Variants in FAM53A observed in about 807,000 individuals in gnomAD.
FAM53A encodes the protein protein FAM53A.
FAM53A carries 28 observed loss-of-function variants against 26.6 expected under a neutral mutation model. The observed-to-expected ratio is 1.05, with a 90% confidence interval of 0.78 to 1.45. FAM53A has a LOEUF of 1.45. Ranked by LOEUF, FAM53A falls within the 40% of genes most tolerant of loss-of-function variation. The pLI is 0.00. For synonymous variants in FAM53A, 290 were observed against 253.1 expected, an observed-to-expected ratio of 1.15 and a Z score of -1.38; for missense variants, 650 against 575.8, an observed-to-expected ratio of 1.13 and a Z score of -1.32.
downstream of FAM53A, among the ~76,000 whole-genome samples, chr4:1,615,569 C>T (rs976846669): frequency 6.7e-6 from 1 of 150,198 alleles, no homozygotes; most frequent in Non-Finnish European, 1.5e-5. Context: ...GATGCGGCCA[C>T]GCCCACCTCA....
chr4:1,650,374 A>G lies in FAM53A; in HGVS notation c.882+4604T>C, dbSNP rs1169928683. Among the ~76,000 whole-genome samples the G allele has an allele frequency of 2.3e-5, 2 of 88,862 alleles. 1 individual carries two copies. Among genetic ancestry groups the G allele is most frequent in the East Asian group, 5.4e-4 (2 of 3,686 alleles). 58.3% of individuals were successfully genotyped at this position (88,862 alleles called of 152,430 possible). A position where few individuals can be genotyped will look rare whatever the true frequency, so the allele number is the denominator to read the frequency against. ...GTGGTGTTTGACTGTGAGGTGGCAC[A>G]GGTGTGGTGTTTGTGAGGTGGCATA... On this transcript the variant is annotated intron_variant, in intron 4 of 4. Transcript: ENST00000308132.
downstream of FAM53A, among the ~76,000 whole-genome samples, chr4:1,613,414 G>A (rs1389096630): frequency 6.6e-6 from 1 of 152,218 alleles, no homozygotes; most frequent in East Asian, 1.9e-4. Flanking sequence ...GGAGGGCAGA[G>A]CCCCTGAAAC....
intron 4 of FAM53A, among the ~76,000 whole-genome samples, chr4:1,643,460 T>C (rs998706902): frequency 8.6e-5 from 13 of 152,046 alleles, no homozygotes; most frequent in South Asian, 6.2e-4. Flanking sequence ...AGTGAGACTC[T>C]GTCTCAAAAA....
the FAM53A span, among the ~76,000 whole-genome samples, chr4:1,578,519 C>T: frequency 1.3e-5 from 2 of 151,774 alleles, no homozygotes; most frequent in Non-Finnish European, 1.5e-5. Flanking sequence ...GTGAGGGGAC[C>T]CTCAGTTACG....
At chr4:1,642,228 T>A (rs988821463) in intron 4 of FAM53A, among the ~76,000 whole-genome samples, 7 of 152,116 alleles carry the variant, frequency 4.6e-5, no homozygotes, top group African/African-American at 1.7e-4. Context: ...TAGAAACACA[T>A]GCAAATCCTT....
intron 1 of FAM53A, among the ~76,000 whole-genome samples, chr4:1,629,011 C>G (rs1715488977): frequency 6.6e-6 from 1 of 151,934 alleles, no homozygotes; most frequent in Non-Finnish European, 1.5e-5. Context: ...ACCGCGTGGT[C>G]TCCAGGAGGC....
rs185082873 is a variant in FAM53A, at chr4:1,634,715, T to C, written c.432-16604A>G. On this transcript the variant is annotated intron_variant, in intron 1 of 1. Coordinates refer to the FAM53A transcript ENST00000489029. ...GAGTTCAAGACCAGCCTGGCCAACA[T>C]GGTGAAACCCCGTCTCTACTAAAAA... Among the ~76,000 whole-genome samples the C allele has an allele frequency of 4.3e-3, 655 of 152,036 alleles. 7 individuals are homozygous for C. Among genetic ancestry groups the C allele is most frequent in the African/African-American group, 0.015 (631 of 41,460 alleles).
At chr4:1,590,991 T>TATATATATATATATATACACACACAC in the FAM53A span, among the ~76,000 whole-genome samples, 2 of 127,872 alleles carry the variant, frequency 1.6e-5, no homozygotes, top group African/African-American at 6.8e-5. Flanking sequence ...TATATATATA[T>TATATATATATATATATACACACACAC]ATATATATAT....
upstream of FAM53A, among the ~76,000 whole-genome samples, chr4:1,685,367 G>A (rs1715753603): frequency 6.6e-6 from 1 of 151,884 alleles, no homozygotes; most frequent in South Asian, 2.1e-4. Flanking sequence ...GGGGTGGTCT[G>A]ACGGGAGAAA....
At chr4:1,591,001 T>TATATATATATATATAA in the FAM53A span, among the ~76,000 whole-genome samples, 3 of 125,744 alleles carry the variant, frequency 2.4e-5, no homozygotes, top group African/African-American at 3.0e-5. Context: ...TATATATATA[T>TATATATATATATATAA]AATCATTCTA....
At chr4:1,637,571 C>T (rs1269703883), downstream of FAM53A, among the ~76,000 whole-genome samples, 1 of 152,138 alleles carries the variant, frequency 6.6e-6, no homozygotes, top group African/African-American at 2.4e-5. Flanking sequence ...GAGCCCTCCA[C>T]AGGGACAGGA....
At chr4:1,656,730 G>T (rs1713413462) in intron 3 of FAM53A, among the ~76,000 whole-genome samples, 2 of 152,168 alleles carry the variant, frequency 1.3e-5, no homozygotes, top group Admixed American at 6.5e-5. Context: ...ACTCATGAAA[G>T]AATCTGGTAA....
chr4:1,672,094 G>A (rs995548600), intron 1 of FAM53A, among the ~76,000 whole-genome samples: 1 of 145,400 alleles, frequency 6.9e-6, no homozygotes, highest in Non-Finnish European at 1.5e-5. Flanking sequence ...ACGAACCCAC[G>A]AACCCAGGAA....
chr4:1,654,875 C>A, intron 4 of FAM53A, 103 bp downstream of exon 4: 1 of 1,417,546 alleles, frequency 7.1e-7, no homozygotes, highest in Non-Finnish European at 9.3e-7. Context: ...AGAAGACCAG[C>A]CGGATGCTAA....
the FAM53A span, among the ~76,000 whole-genome samples, chr4:1,581,753 C>T: frequency 6.6e-6 from 1 of 152,208 alleles, no homozygotes; most frequent in African/African-American, 2.4e-5. Flanking sequence ...CGCCACCATA[C>T]CCAGCTAATT....
intron 1 of FAM53A, among the ~76,000 whole-genome samples, chr4:1,677,845 C>T (rs1382827262): frequency 6.6e-6 from 1 of 152,022 alleles, no homozygotes; most frequent in Non-Finnish European, 1.5e-5. Context: ...CTCAGGAGGC[C>T]GAAGCAGGAG....
chr4:1,616,112 C>T (rs1034266673), downstream of FAM53A, among the ~76,000 whole-genome samples: 10 of 152,180 alleles, frequency 6.6e-5, no homozygotes, highest in Admixed American at 1.3e-4. Context: ...GAAATCAAGA[C>T]ACCGGCAAGA....
At chr4:1,576,689 G>C in the FAM53A span, among the ~76,000 whole-genome samples, 1 of 152,226 alleles carries the variant, frequency 6.6e-6, no homozygotes, top group Admixed American at 6.5e-5. Flanking sequence ...GGCAGGCCGG[G>C]GACGCCGCAG....
At chr4:1,592,224 G>A in the FAM53A span, among the ~76,000 whole-genome samples, 1 of 152,158 alleles carries the variant, frequency 6.6e-6, no homozygotes, top group Non-Finnish European at 1.5e-5. Context: ...AAAATGCCAC[G>A]TAATAATCTC....
Sources: allele counts gnomAD v4.1 joint callset (sites outside exome capture counted in the v4.1 genomes callset), GRCh38; gene constraint gnomAD v4.1.1; transcripts MANE v1.5; gene names NCBI Gene and HGNC (gene_info 2026-07-23, HGNC 2026-07-21).